SGCD: variants seen among roughly 807,000 people sequenced by gnomAD.
SGCD encodes the protein sarcoglycan delta.
SGCD carries 18 observed loss-of-function variants against 36.6 expected under a neutral mutation model. The ratio of observed to expected loss-of-function variants is 0.49; its 90% CI spans 0.34 to 0.73. The LOEUF (loss-of-function observed/expected upper bound fraction) is 0.73, where lower values mean the gene tolerates loss of function less well. SGCD is among the 30% of genes least tolerant of loss of function. The pLI, the probability that SGCD is intolerant of heterozygous loss-of-function variation, is 0.01. For missense variants in SGCD, 387 were observed against 346.7 expected, an observed-to-expected ratio of 1.12 and a Z score of -0.92; for synonymous variants, 133 against 130.6, an observed-to-expected ratio of 1.02 and a Z score of -0.12.
intron 3 of SGCD, among the ~76,000 whole-genome samples, chr5:156,257,468 C>T (rs544438050): frequency 2.0e-4 from 31 of 151,736 alleles, no homozygotes; most frequent in African/African-American, 7.3e-4. Context: ...AGCGAGACTC[C>T]GTCTCTAAAT....
At chr5:156,686,014 C>A (rs1221135085) in intron 7 of SGCD, among the ~76,000 whole-genome samples, 1 of 152,102 alleles carries the variant, frequency 6.6e-6, no homozygotes, top group Non-Finnish European at 1.5e-5. Context: ...GCACATATAC[C>A]TCTGAACCTA....
chr5:156,612,577 A>C (rs1404176200), intron 6 of SGCD, among the ~76,000 whole-genome samples: 1 of 152,242 alleles, frequency 6.6e-6, no homozygotes, highest in Non-Finnish European at 1.5e-5. Flanking sequence ...CTTCCCCACT[A>C]TGCAGGTCTG....
chr5:155,934,699 GA>G (rs1018156741), intron 1 of SGCD, among the ~76,000 whole-genome samples: 15 of 152,118 alleles, frequency 9.9e-5, no homozygotes, highest in African/African-American at 3.6e-4. Context: ...CCCTGGTTTG[GA>G]AAACTCCTCA....
chr5:155,850,275 C>G, the SGCD span, among the ~76,000 whole-genome samples: 1 of 152,104 alleles, frequency 6.6e-6, no homozygotes, highest in African/African-American at 2.4e-5. Flanking sequence ...CTCTTTTATC[C>G]AAGGGCCCTT....
chr5:156,113,725 C>T (rs369962648), intron 1 of SGCD, among the ~76,000 whole-genome samples: 1 of 152,124 alleles, frequency 6.6e-6, no homozygotes, highest in Non-Finnish European at 1.5e-5. Flanking sequence ...TTTGCAGCAG[C>T]CTTATTCATA....
chr5:156,460,250 A>C (rs1754428197), intron 3 of SGCD, among the ~76,000 whole-genome samples: 1 of 152,184 alleles, frequency 6.6e-6, no homozygotes, highest in African/African-American at 2.4e-5. Flanking sequence ...TGCTTATATC[A>C]ACTGAACAAT....
At chr5:156,204,255 AGAGCTTTTT>A (rs1408356619) in intron 3 of SGCD, among the ~76,000 whole-genome samples, 6 of 152,082 alleles carry the variant, frequency 3.9e-5, no homozygotes, top group Non-Finnish European at 7.4e-5. Context: ...TGGCCAGCAC[AGAGCTTTTT>A]GTTATGTAGT....
chr5:155,761,946 G>A, the SGCD span, among the ~76,000 whole-genome samples: 3 of 152,122 alleles, frequency 2.0e-5, no homozygotes, highest in African/African-American at 7.2e-5. Flanking sequence ...CAAAAAATGT[G>A]CTAAGTACAT....
intron 3 of SGCD, among the ~76,000 whole-genome samples, chr5:156,412,072 A>G (rs1297315202): frequency 6.6e-6 from 1 of 152,236 alleles, no homozygotes; most frequent in Non-Finnish European, 1.5e-5. Context: ...CGTGCATTCT[A>G]GGGTGGACCT....
At chr5:155,772,427 C>T in the SGCD span, among the ~76,000 whole-genome samples, 1 of 152,150 alleles carries the variant, frequency 6.6e-6, no homozygotes, top group Non-Finnish European at 1.5e-5. Context: ...AGGTAAAGAG[C>T]AGTAGCAGCC....
intron 4 of SGCD, among the ~76,000 whole-genome samples, chr5:156,522,651 A>G (rs543714506): frequency 6.6e-6 from 1 of 151,816 alleles, no homozygotes; most frequent in South Asian, 2.1e-4. Context: ...AACCTAGGTG[A>G]TGGGTTGTTA....
chr5:156,435,616 C>T (rs1470681021), intron 3 of SGCD, among the ~76,000 whole-genome samples: 1 of 152,146 alleles, frequency 6.6e-6, no homozygotes, highest in Non-Finnish European at 1.5e-5. Context: ...TCTTGAATAT[C>T]TCTTTTGCAG....
chr5:156,347,693 G>A (rs1769021713), intron 3 of SGCD, among the ~76,000 whole-genome samples: 1 of 152,146 alleles, frequency 6.6e-6, no homozygotes, highest in African/African-American at 2.4e-5. Flanking sequence ...TGTAGAACCT[G>A]TAAGATTTAG....
At chr5:156,367,415 A>G (rs17053483) in intron 3 of SGCD, among the ~76,000 whole-genome samples, 1,954 of 152,344 alleles carry the variant, frequency 0.013, 48 homozygotes, top group African/African-American at 0.045. Context: ...TATGTTTTCC[A>G]AACCTTGAGA....
chr5:156,523,321 G>A (rs1279390698), intron 4 of SGCD, among the ~76,000 whole-genome samples: 1 of 152,148 alleles, frequency 6.6e-6, no homozygotes, highest in African/African-American at 2.4e-5. Flanking sequence ...TGACTGAAAT[G>A]CATGTTGAAC....
intron 1 of SGCD, among the ~76,000 whole-genome samples, chr5:156,007,228 A>C (rs955458135): frequency 2.0e-5 from 3 of 152,100 alleles, no homozygotes; most frequent in Non-Finnish European, 4.4e-5. Context: ...CTGCTTGGTA[A>C]GCACCCTCAC....
intron 3 of SGCD, among the ~76,000 whole-genome samples, chr5:156,263,596 T>C (rs965779172): frequency 6.6e-6 from 1 of 152,236 alleles, no homozygotes; most frequent in Admixed American, 6.5e-5. Context: ...CTTTTTAGTT[T>C]AATTAAGTTC....
intron 3 of SGCD, among the ~76,000 whole-genome samples, chr5:156,477,647 T>C (rs1755240706): frequency 6.9e-6 from 1 of 145,310 alleles, no homozygotes; most frequent in African/African-American, 2.6e-5. Context: ...AGAATCATCC[T>C]GGTTTTTTAT....
chr5:156,647,770 T>C (rs1376418504), intron 7 of SGCD, among the ~76,000 whole-genome samples: 2 of 152,124 alleles, frequency 1.3e-5, no homozygotes, highest in Non-Finnish European at 1.5e-5. Context: ...CTAGATTCAT[T>C]CATTTGGAAT....
Sources: allele counts gnomAD v4.1 joint callset (sites outside exome capture counted in the v4.1 genomes callset), GRCh38; gene constraint gnomAD v4.1.1; transcripts MANE v1.5; gene names NCBI Gene and HGNC (gene_info 2026-07-23, HGNC 2026-07-21).